The following LSAMP variants were observed in gnomAD, a reference collection of about 807,000 sequenced individuals.
LSAMP encodes the protein limbic system associated membrane protein, also known as limbic system-associated membrane protein.
Under a neutral mutation model 38.6 loss-of-function variants are expected in LSAMP, and 7 were observed. That is an observed-to-expected ratio of 0.18 (90% CI 0.10 to 0.34). LSAMP has a LOEUF of 0.34. Among genes scored for constraint, LSAMP ranks in the 10% least tolerant of loss-of-function variants. LSAMP has a pLI of 1.00. For synonymous variants in LSAMP, 154 were observed against 166.8 expected (o/e 0.92, Z 0.59); for missense variants, 313 against 420.0 (o/e 0.75, Z 2.23).
At chr3:116,047,904 T>C (rs1447378822) in intron 2 of LSAMP, among the ~76,000 whole-genome samples, 1 of 152,194 alleles carries the variant, frequency 6.6e-6, no homozygotes, top group African/African-American at 2.4e-5. Context: ...ACACTTAACA[T>C]CCACTATCTT....
In LSAMP at chr3:116,444,943, C is replaced by G; in HGVS notation, c.89G>C (p.Arg30Pro). ...LCLLPTGLPV[R>P]SVDFNRGTDN... Reference sequence around the variant, plus strand: ...CGTGCCTCGGTTAAAATCCACGCTGCGAACAGGCAGTCCTGTGGGAAGAAG... The same window carrying G: ...CGTGCCTCGGTTAAAATCCACGCTGGGAACAGGCAGTCCTGTGGGAAGAAG... The change falls in exon 1 of 7, where the codon CGC (arginine) becomes CCC (proline). Residue 30 changes from arginine to proline, a missense_variant. Arg to Pro is a moderately radical substitution (Grantham distance 103). Coordinates refer to ENST00000490035, the MANE Select transcript of LSAMP (RefSeq NM_002338.5). The G allele has an allele frequency of 6.2e-7, 1 of 1,614,110 alleles. No individual in the cohort carries two copies. Among genetic ancestry groups the G allele is most frequent in the Non-Finnish European group, 8.5e-7 (1 of 1,180,040 alleles).
In LSAMP at chr3:115,896,387, T is replaced by G. The variant is rs573667826; in HGVS notation, c.515-43770A>C. 4.6e-5 allele frequency among the ~76,000 whole-genome samples: 7 copies of G among 152,162 alleles called. No homozygotes were observed. The East Asian group carries it at 7.8e-4, about 17-fold the overall frequency. ...ATTGCTACTCAGTTCCAGGTAGGTGTAGTTATAAGGTGGCCAACTCCCAGG... is the reference window on the plus strand; with the variant it reads ...ATTGCTACTCAGTTCCAGGTAGGTGGAGTTATAAGGTGGCCAACTCCCAGG... On this transcript the variant is annotated intron_variant, in intron 3 of 6. Transcript: ENST00000490035.
intron 2 of LSAMP, among the ~76,000 whole-genome samples, chr3:116,030,583 A>G (rs1489005719): frequency 6.6e-6 from 1 of 152,112 alleles, no homozygotes; most frequent in African/African-American, 2.4e-5. Context: ...TTCTGGTACT[A>G]ACAGAACAGG....
chr3:116,039,994 TG>T (rs1553762284), intron 2 of LSAMP, among the ~76,000 whole-genome samples: 3 of 151,292 alleles, frequency 2.0e-5, no homozygotes, highest in South Asian at 2.1e-4. Flanking sequence ...TGCCTCTCTT[TG>T]GGGGGGGAAA....
At chr3:116,244,864 A>G (rs1395732286) in intron 1 of LSAMP, among the ~76,000 whole-genome samples, 2 of 152,040 alleles carry the variant, frequency 1.3e-5, no homozygotes, top group Non-Finnish European at 2.9e-5. Flanking sequence ...TATTTCTCCT[A>G]TTTTTCCTTT....
At chr3:116,235,304 C>T (rs2046450975) in intron 1 of LSAMP, among the ~76,000 whole-genome samples, 1 of 151,932 alleles carries the variant, frequency 6.6e-6, no homozygotes, top group Non-Finnish European at 1.5e-5. Context: ...TTTGTAGAGA[C>T]AGGAGCTCAC....
intron 1 of LSAMP, among the ~76,000 whole-genome samples, chr3:116,156,424 TAACAA>T (rs992404740): frequency 2.0e-5 from 3 of 152,010 alleles, no homozygotes; most frequent in African/African-American, 7.3e-5. Flanking sequence ...ACAATTAAAT[TAACAA>T]AACACATATT....
chr3:116,253,364 G>A (rs1439879721), intron 1 of LSAMP, among the ~76,000 whole-genome samples: 1 of 152,134 alleles, frequency 6.6e-6, no homozygotes, highest in Non-Finnish European at 1.5e-5. Context: ...GAGTTCCTAT[G>A]GTGGTGGTTA....
chr3:116,123,681 A>T (rs1174208804), intron 1 of LSAMP, among the ~76,000 whole-genome samples: 1 of 152,204 alleles, frequency 6.6e-6, no homozygotes, highest in South Asian at 2.1e-4. Flanking sequence ...TAGGTTTGAT[A>T]TCCTAAATCT....
chr3:116,079,223 C>G (rs763914684), intron 2 of LSAMP, among the ~76,000 whole-genome samples: 23 of 152,160 alleles, frequency 1.5e-4, no homozygotes, highest in Non-Finnish European at 2.1e-4. Context: ...AGATGTTTTT[C>G]CCTTCAGCTG....
intron 1 of LSAMP, among the ~76,000 whole-genome samples, chr3:116,253,155 A>G (rs945066474): frequency 5.9e-5 from 9 of 152,114 alleles, no homozygotes; most frequent in East Asian, 1.9e-4. Flanking sequence ...ATATATTACT[A>G]TTGCAAAGGG....
At chr3:116,256,186 C>A (rs1238612534) in intron 1 of LSAMP, among the ~76,000 whole-genome samples, 1 of 152,154 alleles carries the variant, frequency 6.6e-6, no homozygotes, top group Non-Finnish European at 1.5e-5. Context: ...CTCCCTGGTT[C>A]AAAGCCAGGT....
rs1001567743 is a variant in LSAMP, at chr3:116,366,325, A to G, written c.155+78552T>C. ...AGACTGGATTGCCTACAGCCAATAT[A>G]TGAATCAACATGTGACTTCTGTCAA... On this transcript the variant is annotated intron_variant, in intron 1 of 6. Transcript: ENST00000490035. Among the ~76,000 whole-genome samples, 4 of 152,188 alleles carry G rather than the reference A, an allele frequency of 2.6e-5. No homozygotes were observed. In the East Asian group the frequency reaches 5.8e-4, roughly 22 times the overall value.
chr3:116,319,769 G>A (rs940085846), intron 1 of LSAMP, among the ~76,000 whole-genome samples: 25 of 150,494 alleles, frequency 1.7e-4, no homozygotes, highest in African/African-American at 4.4e-4. Flanking sequence ...AAGCACAGGC[G>A]CTTGTAATCC....
At chr3:116,354,136 G>C (rs1329416129) in intron 1 of LSAMP, among the ~76,000 whole-genome samples, 1 of 152,110 alleles carries the variant, frequency 6.6e-6, no homozygotes, top group Non-Finnish European at 1.5e-5. Context: ...AAAGCTGTTA[G>C]CTAATAGAAT....
intron 1 of LSAMP, among the ~76,000 whole-genome samples, chr3:116,250,140 T>C (rs1401544067): frequency 6.6e-6 from 1 of 152,200 alleles, no homozygotes; most frequent in African/African-American, 2.4e-5. Context: ...AGAATCATAT[T>C]CAATGAAGTA....
chr3:115,948,670 CAA>C (rs962406193), intron 3 of LSAMP, among the ~76,000 whole-genome samples: 3 of 152,090 alleles, frequency 2.0e-5, no homozygotes, highest in African/African-American at 7.2e-5. Context: ...ATGCCTACAT[CAA>C]AAAGTCTGAA....
intron 3 of LSAMP, among the ~76,000 whole-genome samples, chr3:115,861,060 TCCCTCCCTCTCTCCCTCTTTCCTC>T (rs779052045): frequency 0.42 from 27,682 of 66,320 alleles, 5,362 homozygotes; most frequent in Admixed American, 0.52. Flanking sequence ...CTCCCCTCCC[TCCCTCCCTCTCTCCCTCTTTCCTC>T]CCCTCCCTCT....
intron 4 of LSAMP, among the ~76,000 whole-genome samples, chr3:115,846,299 C>T (rs2918218): frequency 0.44 from 67,091 of 151,766 alleles, 15,991 homozygotes; most frequent in African/African-American, 0.63. Flanking sequence ...CAAAATTCCA[C>T]GTTCTGAAAA....
Sources: gnomAD v4.1 joint callset for allele counts (sites outside exome capture counted in the v4.1 genomes callset) on GRCh38, gnomAD v4.1.1 for gene constraint, MANE v1.5 for transcripts, NCBI Gene and HGNC (gene_info 2026-07-23, HGNC 2026-07-21) for gene names.